Variants in LRMDA observed in about 807,000 individuals in gnomAD.
LRMDA encodes leucine-rich melanocyte differentiation-associated protein.
In LRMDA, 18 loss-of-function variants were observed where a neutral mutation model predicts 29.8. That is an observed-to-expected ratio of 0.60 (90% CI 0.42 to 0.90). LRMDA has a LOEUF of 0.90. Ranked by LOEUF, LRMDA falls within the 40% of genes least tolerant of loss-of-function variation. The probability of loss-of-function intolerance (pLI) is 0.00; values close to 1 mark genes in which losing one functional copy is unlikely to be tolerated. For synonymous variants in LRMDA, 125 were observed against 109.4 expected, an observed-to-expected ratio of 1.14 and a Z score of -0.89; for missense variants, 273 against 273.9, an observed-to-expected ratio of 1.00 and a Z score of 0.02.
chr10:75,622,808 T>A (rs578143558), intron 2 of LRMDA, among the ~76,000 whole-genome samples: 4 of 152,330 alleles, frequency 2.6e-5, no homozygotes, highest in African/African-American at 9.6e-5. Flanking sequence ...ACACTGCTTT[T>A]AAAAATACCA....
intron 5 of LRMDA, among the ~76,000 whole-genome samples, chr10:76,159,626 C>T (rs1440276249): frequency 1.3e-5 from 2 of 152,120 alleles, no homozygotes; most frequent in Admixed American, 6.6e-5. Flanking sequence ...AACTTGGAGG[C>T]AACCAAGAGG....
intron 2 of LRMDA, among the ~76,000 whole-genome samples, chr10:76,012,565 C>T (rs1178204544): frequency 1.3e-5 from 2 of 152,104 alleles, no homozygotes; most frequent in Non-Finnish European, 2.9e-5. Flanking sequence ...TTTGGCTCTT[C>T]CCCCGACCCC....
chr10:75,876,641 A>G (rs569363840), intron 2 of LRMDA, among the ~76,000 whole-genome samples: 1 of 152,210 alleles, frequency 6.6e-6, no homozygotes, highest in South Asian at 2.1e-4. Flanking sequence ...CATTTTGATA[A>G]TCTCCCAGGG....
At chr10:76,351,512 C>T (rs1196003577) in intron 6 of LRMDA, among the ~76,000 whole-genome samples, 1 of 152,016 alleles carries the variant, frequency 6.6e-6, no homozygotes, top group Non-Finnish European at 1.5e-5. Flanking sequence ...ACATCCATCT[C>T]CAAGCTGTGA....
chr10:75,509,295 A>C (rs1490474177), intron 2 of LRMDA, among the ~76,000 whole-genome samples: 1 of 152,190 alleles, frequency 6.6e-6, no homozygotes, highest in African/African-American at 2.4e-5. Flanking sequence ...TGTGTGTGTA[A>C]CACTCTTAAG....
intron 5 of LRMDA, among the ~76,000 whole-genome samples, chr10:76,163,356 G>A (rs531500003): frequency 1.2e-3 from 188 of 152,260 alleles, no homozygotes; most frequent in African/African-American, 4.3e-3. Context: ...TGACTATGCA[G>A]GATGGGACTT....
chr10:76,195,671 A>G (rs1851320154), intron 5 of LRMDA, among the ~76,000 whole-genome samples: 1 of 152,232 alleles, frequency 6.6e-6, no homozygotes, highest in South Asian at 2.1e-4. Flanking sequence ...TAAGGGTACT[A>G]TTATAAAACA....
intron 6 of LRMDA, among the ~76,000 whole-genome samples, chr10:76,389,147 G>A (rs909328668): frequency 6.6e-6 from 1 of 152,162 alleles, no homozygotes; most frequent in Non-Finnish European, 1.5e-5. Context: ...AGTTAGCTGG[G>A]CTGTGGGTAG....
At chr10:75,713,299 C>A (rs1055923239) in intron 2 of LRMDA, among the ~76,000 whole-genome samples, 3 of 152,138 alleles carry the variant, frequency 2.0e-5, no homozygotes, top group African/African-American at 7.2e-5. Context: ...TTATTATTTA[C>A]AGAATGGTTA....
At chr10:75,715,412 G>A (rs1348295536) in intron 2 of LRMDA, among the ~76,000 whole-genome samples, 4 of 151,866 alleles carry the variant, frequency 2.6e-5, no homozygotes. Context: ...CTACCAGAAG[G>A]TCCCACCACT....
chr10:75,794,896 G>A (rs1428255107), intron 2 of LRMDA, among the ~76,000 whole-genome samples: 1 of 150,372 alleles, frequency 6.7e-6, no homozygotes, highest in African/African-American at 2.4e-5. Flanking sequence ...TTCTTAAATG[G>A]TGCCTTTTGA....
chr10:75,490,365 AC>A (rs1844972168), intron 2 of LRMDA, among the ~76,000 whole-genome samples: 1 of 150,820 alleles, frequency 6.6e-6, no homozygotes, highest in African/African-American at 2.5e-5. Context: ...ACACACACAC[AC>A]ACACACACAG....
intron 5 of LRMDA, among the ~76,000 whole-genome samples, chr10:76,077,655 G>T (rs2132075783): frequency 6.6e-6 from 1 of 152,248 alleles, no homozygotes; most frequent in South Asian, 2.1e-4. Flanking sequence ...AAATTAGGAT[G>T]AATTCTGCTG....
chr10:76,082,084 A>AT (rs1489172085), intron 5 of LRMDA, among the ~76,000 whole-genome samples: 1 of 152,082 alleles, frequency 6.6e-6, no homozygotes, highest in Non-Finnish European at 1.5e-5. Flanking sequence ...CTACCTGAGG[A>AT]TTTTTTTCAA....
chr10:76,318,754 T>C (rs2758968), intron 5 of LRMDA: 93,420 of 152,202 alleles, frequency 0.61, 32,315 homozygotes, highest in Non-Finnish European at 0.81. Flanking sequence ...CTGAAAGGCA[T>C]GGCACCTTAA....
chr10:76,483,663 G>T (rs1291609427), intron 6 of LRMDA, among the ~76,000 whole-genome samples: 1 of 151,134 alleles, frequency 6.6e-6, no homozygotes, highest in Non-Finnish European at 1.5e-5. Context: ...TTAATCAGCT[G>T]CTCAGAAAGG....
At chr10:75,804,187 A>G (rs1385386360) in intron 2 of LRMDA, among the ~76,000 whole-genome samples, 1 of 152,242 alleles carries the variant, frequency 6.6e-6, no homozygotes, top group Non-Finnish European at 1.5e-5. Flanking sequence ...TTTATAGCTG[A>G]AAAACACCAT....
chr10:75,610,215 A>G (rs1465907351), intron 2 of LRMDA, among the ~76,000 whole-genome samples: 2 of 152,188 alleles, frequency 1.3e-5, no homozygotes, highest in Non-Finnish European at 2.9e-5. Context: ...TGTCACCACT[A>G]TTTAGTTCCA....
chr10:75,747,306 T>C (rs1842901413), intron 2 of LRMDA, among the ~76,000 whole-genome samples: 1 of 152,184 alleles, frequency 6.6e-6, no homozygotes, highest in African/African-American at 2.4e-5. Context: ...ATAATTCCTG[T>C]CTTCTAAAAT....
Sources: allele counts gnomAD v4.1 joint callset (sites outside exome capture counted in the v4.1 genomes callset), GRCh38; gene constraint gnomAD v4.1.1; transcripts MANE v1.5; gene names NCBI Gene and HGNC (gene_info 2026-07-23, HGNC 2026-07-21).